PA2G4: variants seen among roughly 807,000 people sequenced by gnomAD.
PA2G4 encodes proliferation-associated protein 2G4.
PA2G4 carries 8 observed loss-of-function variants against 53.3 expected under a neutral mutation model. That is an observed-to-expected ratio of 0.15 (90% CI 0.09 to 0.27). The LOEUF (loss-of-function observed/expected upper bound fraction) is 0.27, where lower values mean the gene tolerates loss of function less well. Ranked by LOEUF, PA2G4 falls within the 10% of genes least tolerant of loss-of-function variation. The probability of loss-of-function intolerance (pLI) is 1.00; values close to 1 mark genes in which losing one functional copy is unlikely to be tolerated. For synonymous variants in PA2G4, 143 were observed against 169.8 expected, an observed-to-expected ratio of 0.84 and a Z score of 1.23; for missense variants, 208 against 486.8, an observed-to-expected ratio of 0.43 and a Z score of 5.39.
At chr12:56,109,812 T>C (rs1565864665) in intron 6 of PA2G4, 45 bp from the exon 7 acceptor site, 1 of 1,429,804 alleles carries the variant, frequency 7.0e-7, no homozygotes, top group Non-Finnish European at 9.9e-7. Flanking sequence ...GGAAACCTTT[T>C]GGGATACTGG....
rs188545741 is a variant in PA2G4 at position 56,110,081 on chromosome 12, G to A, written c.629+146G>A. ...TCTTAATATTCCCTTTCTCTAGGCC[G>A]GGCGCGGTGGCTCACGCCTGTAATC... On this transcript the variant is annotated intron_variant, in intron 7 of 12. Coordinates refer to ENST00000303305, the MANE Select transcript of PA2G4 (RefSeq NM_006191.3). The A allele has an allele frequency of 3.4e-4, 231 of 684,788 alleles. 2 individuals carry two copies. The East Asian group carries it at 4.8e-3, about 14-fold the overall frequency. The allele number at this position is 684,788 out of a possible 1,614,324, so 42.4% of individuals were successfully genotyped here.
chr12:56,109,960 C>T, intron 7 of PA2G4, 25 bp downstream of exon 7: 1 of 1,525,204 alleles, frequency 6.6e-7, no homozygotes, highest in Non-Finnish European at 9.1e-7. Flanking sequence ...TACTTATTAC[C>T]TTCTACCACA....
chr12:56,112,542 G>A (rs935096483), intron 12 of PA2G4, among the ~76,000 whole-genome samples: 1 of 152,092 alleles, frequency 6.6e-6, no homozygotes, highest in Non-Finnish European at 1.5e-5. Flanking sequence ...AGCATCACTT[G>A]AGCCCAGGAG....
At chr12:56,104,894 G>T (rs1869259826) in intron 1 of PA2G4, 69 bp downstream of exon 1, 7 of 1,383,618 alleles carry the variant, frequency 5.1e-6, no homozygotes, top group East Asian at 4.6e-5. Context: ...CCCGGAAGGG[G>T]CTGGAGCGGA....
chr12:56,110,459 C>A lies in PA2G4; in HGVS notation c.690C>A (p.Val230=), dbSNP rs1307263070. ...VHEVYAVDVL[V]SSGEGKAKDA... ...AAGTATATGCTGTGGATGTTCTCGT[C>A]AGCTCAGGAGAGGGCAAGGTGAGGA... Residue 230 remains valine (V), a synonymous_variant, in exon 8 of 13, where the codon GTC becomes GTA. Coordinates refer to ENST00000303305, the MANE Select transcript of PA2G4 (RefSeq NM_006191.3). 6.2e-7 allele frequency: 1 copy of A among 1,613,100 alleles called. No homozygotes were observed.
At position 56,111,014 on chromosome 12, in the gene PA2G4, A is replaced by G; in HGVS notation, c.893A>G (p.Lys298Arg). 2 of 1,613,732 alleles carry G rather than the reference A, an allele frequency of 1.2e-6. No individual in the cohort carries two copies. Among genetic ancestry groups the G allele is most frequent in the Non-Finnish European group, 1.7e-6 (2 of 1,180,044 alleles). Residue 298 changes from lysine to arginine, a missense_variant, in exon 10 of 13, where the codon AAA (lysine) becomes AGA (arginine). Transcript: ENST00000303305. ...CGGATGGGTGTGGTGGAGTGCGCCA[A>G]ACATGAACTGCTGCAACCATTTAAT... ...KARMGVVECA[K>R]HELLQPFNVL...
rs1462901708 is a variant in PA2G4 at position 56,111,114 on chromosome 12, G to T, written c.937+56G>T. Reference sequence around the variant, plus strand: ...TCCCTGATTATAAGATATCCTTCCTGTAAGTTCAGAAGAGCTAAGTATGAC... The same window carrying T: ...TCCCTGATTATAAGATATCCTTCCTTTAAGTTCAGAAGAGCTAAGTATGAC... On this transcript the variant is annotated intron_variant, in intron 10 of 12. Coordinates refer to ENST00000303305, the MANE Select transcript of PA2G4 (RefSeq NM_006191.3). The T allele has an allele frequency of 1.9e-6, 3 of 1,612,978 alleles. No homozygotes were observed. The East Asian group carries it at 6.7e-5, about 36-fold the overall frequency.
Position 56,112,952 on chromosome 12 carries a change from CTG to C in PA2G4, c.*67_*68del, listed in dbSNP as rs1187998110. 5.5e-6 allele frequency: 6 copies of C among 1,094,854 alleles called. No homozygotes were observed. The highest frequency in any genetic ancestry group is 2.9e-5 in the South Asian group (2 of 67,862). The allele number at this position is 1,094,854 out of a possible 1,614,324, so 67.8% of individuals were successfully genotyped here. ...TCCCCTTCCCACCAAACCCCAGACT[CTG>C]TGAAGTGCAGTTCTTCTCCACCTAG... On this transcript the variant is annotated 3_prime_UTR_variant, in exon 13 of 13. Coordinates refer to ENST00000303305, the MANE Select transcript of PA2G4 (RefSeq NM_006191.3).
At chr12:56,105,729 G>A (rs1233499919) in intron 1 of PA2G4, among the ~76,000 whole-genome samples, 1 of 152,204 alleles carries the variant, frequency 6.6e-6, no homozygotes, top group African/African-American at 2.4e-5. Context: ...GTCACTCTAG[G>A]CAGATGCCAC....
chr12:56,113,846 A>G lies in PA2G4; in HGVS notation c.*958A>G. On this transcript the variant is annotated 3_prime_UTR_variant, in exon 13 of 13. Coordinates refer to ENST00000303305, the MANE Select transcript of PA2G4 (RefSeq NM_006191.3). ...AGGAAACTAGGGCTCCCACTAACTT[A>G]TGAGGTTTTTAAACACATTGAAAAT... 1.4e-6 allele frequency: 1 copy of G among 702,254 alleles called. No individual in the cohort carries two copies. Among genetic ancestry groups the G allele is most frequent in the African/African-American group, 1.7e-5 (1 of 57,370 alleles). 43.5% of individuals were successfully genotyped at this position (702,254 alleles called of 1,614,324 possible).
chr12:56,107,244 T>C lies in PA2G4; in HGVS notation c.381T>C (p.Val127=). Residue 127 remains valine (V), a synonymous_variant, in exon 4 of 13, where the codon GTT becomes GTC. Transcript: ENST00000303305. ...FIANVAHTFV[V]DVAQGTQVTG... Reference sequence around the variant, plus strand: ...CTAATGTAGCTCACACTTTTGTGGTTGATGTAGCTCAGGTAGGTGGCCTGC... The same window carrying C: ...CTAATGTAGCTCACACTTTTGTGGTCGATGTAGCTCAGGTAGGTGGCCTGC... 1.9e-6 allele frequency: 3 copies of C among 1,612,852 alleles called. No homozygotes were observed. The highest frequency in any genetic ancestry group is 2.5e-6 in the Non-Finnish European group (3 of 1,179,636).
chr12:56,104,961 G>A, intron 1 of PA2G4, 136 bp downstream of exon 1: 7 of 848,380 alleles, frequency 8.3e-6, no homozygotes, highest in South Asian at 2.7e-5. Context: ...GGCACGGCGT[G>A]GTGGGAAGAC....
chr12:56,107,663 A>T (rs751464174), intron 5 of PA2G4, 50 bp downstream of exon 5: 1 of 1,223,612 alleles, frequency 8.2e-7, no homozygotes, highest in South Asian at 1.2e-5. Flanking sequence ...AAGATGCATT[A>T]GGCACCTATA....
In PA2G4 at chr12:56,106,718, T is replaced by TAA. The variant is rs34728522; in HGVS notation, c.217+13_217+14dup. 1,296 of 1,363,416 alleles carry TAA rather than the reference T, an allele frequency of 9.5e-4. 4 individuals are homozygous for TAA. In the East Asian group the frequency reaches 0.013, roughly 14 times the overall value. 84.5% of individuals were successfully genotyped at this position (1,363,416 alleles called of 1,614,324 possible). A position where few individuals can be genotyped will look rare whatever the true frequency, so the allele number is the denominator to read the frequency against. On this transcript the variant is annotated splice_region_variant and intron_variant, in intron 2 of 12. Transcript: ENST00000303305. ...AGAAAGAAAAGGAAATGAAGAAAGG[T>TAA]AAAAAAAAAAAATCCCTCACTAATT...
chr12:56,110,886 G>A lies in PA2G4; in HGVS notation c.843-78G>A, dbSNP rs1224061868. 3 of 1,422,930 alleles carry A rather than the reference G, an allele frequency of 2.1e-6. No homozygotes were observed. In the East Asian group the frequency reaches 6.9e-5, roughly 33 times the overall value. 88.1% of individuals were successfully genotyped at this position (1,422,930 alleles called of 1,614,324 possible). A position where few individuals can be genotyped will look rare whatever the true frequency, so the allele number is the denominator to read the frequency against. On this transcript the variant is annotated intron_variant, in intron 9 of 12. Coordinates refer to ENST00000303305, the MANE Select transcript of PA2G4 (RefSeq NM_006191.3). ...GCATGATTTCTGCCTGAGGGTAGGAGCTATTTTAAAATATGAGCAAAATGG... is the reference window on the plus strand; with the variant it reads ...GCATGATTTCTGCCTGAGGGTAGGAACTATTTTAAAATATGAGCAAAATGG...
At position 56,111,056 on chromosome 12, in the gene PA2G4, A is replaced by C. The variant is rs1330130462; in HGVS notation, c.935A>C (p.Glu312Ala). The change falls in exon 10 of 13, where the codon GAG becomes GCG. Residue 312 changes from glutamate to alanine, a missense_variant and splice_region_variant. Physicochemically the swap from Glu to Ala is moderately radical, Grantham distance 107. This residue lies in a region of PA2G4 where 143 missense variants were observed against 386.8 expected (regional missense o/e 0.37). Coordinates refer to ENST00000303305, the MANE Select transcript of PA2G4 (RefSeq NM_006191.3). ...CCATTTAATGTTCTCTATGAGAAGG[A>C]GGGTGAGTTCCAAAAAGAGCTTCAC... is the stretch of plus-strand genomic sequence containing the variant. ...LQPFNVLYEK[E>A]GEFVAQFKFT... is the part of the protein sequence containing the mutation. 6.2e-7 allele frequency: 1 copy of C among 1,613,994 alleles called. No homozygotes were observed. Among genetic ancestry groups the C allele is most frequent in the Non-Finnish European group, 8.5e-7 (1 of 1,179,832 alleles).
At position 56,113,364 on chromosome 12, in the gene PA2G4, A is replaced by G. The variant is rs1463008984; in HGVS notation, c.*476A>G. ...TCCCCAAATATTTTATCTGGCTTCAAAATTAAGAGGATTATTTTTCAGATT... is the reference window on the plus strand; with the variant it reads ...TCCCCAAATATTTTATCTGGCTTCAGAATTAAGAGGATTATTTTTCAGATT... On this transcript the variant is annotated 3_prime_UTR_variant, in exon 13 of 13. Coordinates refer to ENST00000303305, the MANE Select transcript of PA2G4 (RefSeq NM_006191.3). The G allele has an allele frequency of 2.4e-5, 4 of 163,328 alleles. No homozygotes were observed. Among genetic ancestry groups the G allele is most frequent in the Non-Finnish European group, 5.3e-5 (4 of 75,960 alleles). 10.1% of individuals were successfully genotyped at this position (163,328 alleles called of 1,614,324 possible).
intron 2 of PA2G4, 65 bp from the exon 3 acceptor site, chr12:56,106,925 T>A (rs1239064460): frequency 7.2e-7 from 1 of 1,393,812 alleles, no homozygotes; most frequent in Non-Finnish European, 1.0e-6. Context: ...CCTTCTACAT[T>A]TCTGAAGGGC....
At chr12:56,106,884 T>A in intron 2 of PA2G4, 106 bp from the exon 3 acceptor site, 1 of 1,277,752 alleles carries the variant, frequency 7.8e-7, no homozygotes, top group Non-Finnish European at 1.1e-6. Flanking sequence ...TAATCCAAAC[T>A]GATGAAACTT....
Sources: allele counts gnomAD v4.1 joint callset (sites outside exome capture counted in the v4.1 genomes callset), GRCh38; gene constraint gnomAD v4.1.1; regional missense constraint gnomAD v4.1.1; transcripts MANE v1.5; gene names NCBI Gene and HGNC (gene_info 2026-07-23, HGNC 2026-07-21).